The following DLGAP2 variants were observed in gnomAD, a reference collection of about 807,000 sequenced individuals.
The protein encoded by DLGAP2 is DLG associated protein 2.
Under a neutral mutation model 100.3 loss-of-function variants are expected in DLGAP2, and 26 were observed. That is an observed-to-expected ratio of 0.26 (90% CI 0.19 to 0.36). The LOEUF (loss-of-function observed/expected upper bound fraction) is 0.36, where lower values mean the gene tolerates loss of function less well. Ranked by LOEUF, DLGAP2 falls within the 10% of genes least tolerant of loss-of-function variation. DLGAP2 has a pLI of 1.00. For synonymous variants in DLGAP2, 886 were observed against 630.1 expected (o/e 1.41, Z -6.08); for missense variants, 1,858 against 1,453.2 (o/e 1.28, Z -4.53).
intron 2 of DLGAP2, among the ~76,000 whole-genome samples, chr8:1,143,861 G>A (rs1408148815): frequency 6.6e-6 from 1 of 152,230 alleles, no homozygotes; most frequent in Non-Finnish European, 1.5e-5. Context: ...CTGAGGGTCT[G>A]TGCAGATGCA....
At chr8:938,870 A>G (rs1442538039) in intron 2 of DLGAP2, among the ~76,000 whole-genome samples, 1 of 152,200 alleles carries the variant, frequency 6.6e-6, no homozygotes, top group East Asian at 1.9e-4. Flanking sequence ...AGAAAATGGC[A>G]GAAACTCCCA....
intron 2 of DLGAP2, among the ~76,000 whole-genome samples, chr8:1,009,215 C>CA (rs888082347): frequency 2.0e-5 from 3 of 152,208 alleles, no homozygotes; most frequent in African/African-American, 4.8e-5. Context: ...TTCTGTCCCC[C>CA]AAAACTCTCC....
At chr8:791,907 G>A (rs1822037845) in intron 1 of DLGAP2, among the ~76,000 whole-genome samples, 1 of 152,140 alleles carries the variant, frequency 6.6e-6, no homozygotes, top group Non-Finnish European at 1.5e-5. Flanking sequence ...CACCCCATTG[G>A]AGTTAACCCC....
chr8:1,291,989 A>T (rs549995707), intron 3 of DLGAP2, among the ~76,000 whole-genome samples: 1 of 152,254 alleles, frequency 6.6e-6, no homozygotes. Context: ...GAGGCTTTCA[A>T]TAAAGATGTG....
chr8:1,630,330 G>A (rs1797610538), intron 7 of DLGAP2, among the ~76,000 whole-genome samples: 1 of 152,142 alleles, frequency 6.6e-6, no homozygotes, highest in Non-Finnish European at 1.5e-5. Context: ...GCCCATGGTT[G>A]AGGGTGGGAC....
chr8:1,674,792 G>A (rs942327779), intron 10 of DLGAP2, among the ~76,000 whole-genome samples: 1 of 152,114 alleles, frequency 6.6e-6, no homozygotes, highest in Admixed American at 6.5e-5. Flanking sequence ...AATTTCCCCT[G>A]CACTGAAGGC....
At chr8:1,159,784 C>G (rs963567927) in intron 2 of DLGAP2, among the ~76,000 whole-genome samples, 3 of 152,264 alleles carry the variant, frequency 2.0e-5, no homozygotes, top group Admixed American at 1.3e-4. Context: ...ATTCAAGGAA[C>G]GAATGAAAAG....
intron 2 of DLGAP2, among the ~76,000 whole-genome samples, chr8:1,209,864 C>T (rs961295668): frequency 6.6e-6 from 1 of 152,186 alleles, no homozygotes. Flanking sequence ...TCAGAACGCC[C>T]AGGCATGTCC....
intron 2 of DLGAP2, among the ~76,000 whole-genome samples, chr8:1,051,881 CTTTCAA>C (rs948880120): frequency 6.6e-6 from 1 of 152,140 alleles, no homozygotes; most frequent in African/African-American, 2.4e-5. Flanking sequence ...GGGTTTTTTC[CTTTCAA>C]TTTCAACATG....
At chr8:1,655,118 A>C (rs1798254657) in intron 8 of DLGAP2, among the ~76,000 whole-genome samples, 1 of 152,216 alleles carries the variant, frequency 6.6e-6, no homozygotes, top group African/African-American at 2.4e-5. Context: ...CTGCTAGCCT[A>C]TCAACGTTGC....
intron 13 of DLGAP2, 78 bp from the exon 14 acceptor site, chr8:1,697,069 C>T (rs999157027): frequency 7.3e-5 from 100 of 1,362,170 alleles, no homozygotes; most frequent in Middle Eastern, 5.2e-4. Flanking sequence ...GAAAGGCATG[C>T]GTGGGGAGGA....
At chr8:1,265,482 A>G (rs995620592) in intron 3 of DLGAP2, among the ~76,000 whole-genome samples, 1 of 152,232 alleles carries the variant, frequency 6.6e-6, no homozygotes, top group Non-Finnish European at 1.5e-5. Context: ...AGACAAACAC[A>G]TGTCTGGAAT....
intron 6 of DLGAP2, among the ~76,000 whole-genome samples, chr8:1,619,467 T>C (rs1030676710): frequency 6.6e-6 from 1 of 152,238 alleles, no homozygotes; most frequent in Non-Finnish European, 1.5e-5. Flanking sequence ...TTCTGTTTCA[T>C]TTCTATGTAA....
chr8:1,273,389 ACCC>A (rs1799620864), intron 3 of DLGAP2, among the ~76,000 whole-genome samples: 1 of 151,972 alleles, frequency 6.6e-6, no homozygotes, highest in Non-Finnish European at 1.5e-5. Flanking sequence ...TCCCTAAATC[ACCC>A]CAGGTCACAC....
chr8:756,961 G>C (rs978309174), intron 1 of DLGAP2, among the ~76,000 whole-genome samples: 15 of 152,142 alleles, frequency 9.9e-5, no homozygotes, highest in Non-Finnish European at 2.1e-4. Context: ...TCTGCAAAAT[G>C]TCCTCTTTCC....
chr8:968,018 G>A (rs908435138), intron 2 of DLGAP2, among the ~76,000 whole-genome samples: 2 of 150,642 alleles, frequency 1.3e-5, no homozygotes, highest in South Asian at 2.1e-4. Context: ...ACTCACACAC[G>A]TGCTCATTTG....
At chr8:1,573,277 T>C (rs1370849879) in intron 6 of DLGAP2, among the ~76,000 whole-genome samples, 4 of 104,130 alleles carry the variant, frequency 3.8e-5, no homozygotes, top group African/African-American at 1.2e-4. Flanking sequence ...GAGGGTGGAC[T>C]GTGGGGGTGT....
chr8:1,232,632 T>C (rs1029874274), intron 2 of DLGAP2, among the ~76,000 whole-genome samples: 3 of 152,264 alleles, frequency 2.0e-5, no homozygotes, highest in Non-Finnish European at 4.4e-5. Context: ...ATCCACAAGA[T>C]GCTTTCATGT....
chr8:883,486 G>A (rs959061252), intron 1 of DLGAP2: 2 of 151,922 alleles, frequency 1.3e-5, no homozygotes, highest in African/African-American at 4.8e-5. Flanking sequence ...ATATGCAAAT[G>A]CATATTCTTT....
Sources: gnomAD v4.1 joint callset for allele counts (sites outside exome capture counted in the v4.1 genomes callset) on GRCh38, gnomAD v4.1.1 for gene constraint, MANE v1.5 for transcripts, NCBI Gene and HGNC (gene_info 2026-07-23, HGNC 2026-07-21) for gene names.